CLECL1: variants seen among roughly 807,000 people sequenced by gnomAD.
CLECL1 encodes the protein C-type lectin-like domain family 1.
At chr12:9,719,644 G>A (rs780719020), downstream of CLECL1, among the ~76,000 whole-genome samples, 1 of 152,190 alleles carries the variant, frequency 6.6e-6, no homozygotes, top group Non-Finnish European at 1.5e-5. Context: ...GGCTGGAGGG[G>A]TGGATCCCTT....
the CLECL1 span, among the ~76,000 whole-genome samples, chr12:9,710,020 A>G: frequency 1.3e-5 from 2 of 152,216 alleles, no homozygotes; most frequent in Non-Finnish European, 2.9e-5. Context: ...GTTAGTTGCT[A>G]AAGATATTTC....
chr12:9,709,413 G>A, the CLECL1 span: 5 of 152,496 alleles, frequency 3.3e-5, no homozygotes, highest in East Asian at 9.6e-4. Context: ...GATGCCCAGT[G>A]AATTTGGGCC....
At chr12:9,718,475 T>C (rs1005191446), downstream of CLECL1, among the ~76,000 whole-genome samples, 4 of 151,374 alleles carry the variant, frequency 2.6e-5, no homozygotes, top group Admixed American at 1.3e-4. Flanking sequence ...CCTTGGTGCA[T>C]GCACGTTTAT....
chr12:9,709,607 A>G, the CLECL1 span, among the ~76,000 whole-genome samples: 4,181 of 152,282 alleles, frequency 0.027, 81 homozygotes, highest in Non-Finnish European at 0.041. Context: ...GAAACAGTCC[A>G]CTCTGCAAGC....
downstream of CLECL1, chr12:9,718,817 C>A: frequency 1.5e-6 from 1 of 688,536 alleles, no homozygotes; most frequent in South Asian, 1.6e-5. Context: ...CCAAACCTGC[C>A]AACAACCTTG....
chr12:9,712,082 A>T (rs973691019), downstream of CLECL1, among the ~76,000 whole-genome samples: 38 of 152,216 alleles, frequency 2.5e-4, no homozygotes, highest in Non-Finnish European at 1.6e-4. Flanking sequence ...GTTTAAGACC[A>T]GCTTGGGCAA....
chr12:9,704,388 A>G, the CLECL1 span, among the ~76,000 whole-genome samples: 1 of 152,206 alleles, frequency 6.6e-6, no homozygotes. Flanking sequence ...AGGAATAGGG[A>G]TTAAGTTATG....
upstream of CLECL1, among the ~76,000 whole-genome samples, chr12:9,734,065 G>A (rs1866487119): frequency 6.6e-6 from 1 of 152,182 alleles, no homozygotes; most frequent in African/African-American, 2.4e-5. Flanking sequence ...AAAAATGGCA[G>A]GATCCATTAG....
chr12:9,716,468 C>T (rs944215463), exon 3 of CLECL1: 7 of 175,334 alleles, frequency 4.0e-5, no homozygotes, highest in Admixed American at 3.2e-4. Context: ...TCAAACAGGG[C>T]ACTGCAACTT....
the CLECL1 span, chr12:9,704,155 A>T: frequency 6.6e-6 from 1 of 152,208 alleles, no homozygotes; most frequent in Non-Finnish European, 1.5e-5. Context: ...AGTCAAATTT[A>T]TGGTAAGTTC....
chr12:9,730,328 G>C (rs1866432207), intron 1 of CLECL1, among the ~76,000 whole-genome samples: 1 of 152,074 alleles, frequency 6.6e-6, no homozygotes, highest in Admixed American at 6.6e-5. Context: ...TTAGCTTTAG[G>C]CTGAAAGTTT....
At chr12:9,730,118 G>A (rs773830929) in intron 1 of CLECL1, among the ~76,000 whole-genome samples, 2 of 152,272 alleles carry the variant, frequency 1.3e-5, no homozygotes, top group African/African-American at 4.8e-5. Context: ...AGAAATGTTA[G>A]AGATTATTTT....
At chr12:9,708,579 A>T in the CLECL1 span, among the ~76,000 whole-genome samples, 3 of 152,126 alleles carry the variant, frequency 2.0e-5, no homozygotes, top group Admixed American at 6.5e-5. Flanking sequence ...CCTCCACCCC[A>T]TGGAAGGAGG....
chr12:9,731,606 C>G (rs2121067808), intron 1 of CLECL1, among the ~76,000 whole-genome samples: 1 of 152,360 alleles, frequency 6.6e-6, no homozygotes, highest in South Asian at 2.1e-4. Flanking sequence ...TTGCGTTTAT[C>G]TAACACCACA....
downstream of CLECL1, among the ~76,000 whole-genome samples, chr12:9,721,384 C>T: frequency 6.6e-6 from 1 of 152,150 alleles, no homozygotes; most frequent in East Asian, 1.9e-4. Context: ...ATGCATAAAT[C>T]ATACACTAAT....
At chr12:9,725,875 T>C (rs1316704081) in intron 3 of CLECL1, among the ~76,000 whole-genome samples, 1 of 152,074 alleles carries the variant, frequency 6.6e-6, no homozygotes, top group Non-Finnish European at 1.5e-5. Flanking sequence ...TGGCCCTTCA[T>C]GGTAATAATC....
intron 3 of CLECL1, among the ~76,000 whole-genome samples, chr12:9,726,965 T>G (rs1866387568): frequency 6.6e-6 from 1 of 151,832 alleles, no homozygotes; most frequent in Non-Finnish European, 1.5e-5. Context: ...TCCCCAGAAT[T>G]TGAATCTAGT....
At chr12:9,730,959 T>C (rs1468236941) in intron 1 of CLECL1, among the ~76,000 whole-genome samples, 1 of 152,230 alleles carries the variant, frequency 6.6e-6, no homozygotes, top group East Asian at 1.9e-4. Context: ...GTGTTGGGAT[T>C]ACAGGCGTCA....
intron 3 of CLECL1, among the ~76,000 whole-genome samples, chr12:9,725,181 G>T (rs1426370674): frequency 6.6e-6 from 1 of 152,090 alleles, no homozygotes; most frequent in East Asian, 1.9e-4. Flanking sequence ...AGTTTTTCAG[G>T]CTGATGCGCA....
Sources: gnomAD v4.1 joint callset for allele counts (sites outside exome capture counted in the v4.1 genomes callset) on GRCh38, gnomAD v4.1.1 for gene constraint, MANE v1.5 for transcripts, NCBI Gene and HGNC (gene_info 2026-07-23, HGNC 2026-07-21) for gene names.